The following AFG2A variants were observed in gnomAD, a reference collection of about 807,000 sequenced individuals.
AFG2A encodes the protein AAA ATPase AFG2A, also known as ATPase family gene 2 protein homolog A.
the AFG2A span, among the ~76,000 whole-genome samples, chr4:123,257,489 G>A: frequency 2.7e-3 from 407 of 152,288 alleles, 2 homozygotes; most frequent in African/African-American, 9.1e-3. Context: ...AAGTTGAGGA[G>A]TATTTGTATT....
the AFG2A span, among the ~76,000 whole-genome samples, chr4:122,927,047 C>G: frequency 3.9e-5 from 6 of 152,126 alleles, no homozygotes; most frequent in Non-Finnish European, 5.9e-5. Flanking sequence ...GTGGAGATGA[C>G]AGCACATCAT....
chr4:122,982,880 T>TC, the AFG2A span, among the ~76,000 whole-genome samples: 2 of 143,890 alleles, frequency 1.4e-5, no homozygotes, highest in African/African-American at 5.1e-5. Flanking sequence ...TTTTTTTTTT[T>TC]TTTTTGAGAC....
the AFG2A span, among the ~76,000 whole-genome samples, chr4:123,021,353 G>C: frequency 2.9e-3 from 429 of 150,398 alleles, 7 homozygotes; most frequent in African/African-American, 0.01. Context: ...ATGACAAACA[G>C]TCTTCACCAA....
the AFG2A span, among the ~76,000 whole-genome samples, chr4:123,064,382 C>A: frequency 6.6e-6 from 1 of 152,146 alleles, no homozygotes; most frequent in Non-Finnish European, 1.5e-5. Context: ...GTGCTTATTA[C>A]ATACTAGAAA....
the AFG2A span, among the ~76,000 whole-genome samples, chr4:123,150,517 C>T: frequency 4.6e-5 from 7 of 151,940 alleles, no homozygotes; most frequent in Non-Finnish European, 8.8e-5. Context: ...AACTCCCATT[C>T]ACAATTGCTA....
chr4:123,017,133 C>T, the AFG2A span, among the ~76,000 whole-genome samples: 5 of 104,458 alleles, frequency 4.8e-5, no homozygotes, highest in South Asian at 3.3e-4. Context: ...AGAGGGAGAC[C>T]GTGGGGAGAG....
the AFG2A span, among the ~76,000 whole-genome samples, chr4:123,258,269 C>T: frequency 6.6e-6 from 1 of 152,200 alleles, no homozygotes; most frequent in East Asian, 1.9e-4. Flanking sequence ...TTGTTTTGGT[C>T]TGAATAGGTA....
At chr4:123,138,471 A>G in the AFG2A span, among the ~76,000 whole-genome samples, 1 of 152,194 alleles carries the variant, frequency 6.6e-6, no homozygotes, top group Admixed American at 6.5e-5. Flanking sequence ...CATATTTCAT[A>G]CTTCTTAAGA....
the AFG2A span, among the ~76,000 whole-genome samples, chr4:123,215,159 C>G: frequency 6.6e-6 from 1 of 151,986 alleles, no homozygotes; most frequent in Admixed American, 6.6e-5. Context: ...TTTAATTCTT[C>G]CATTTACCTT....
chr4:123,079,383 A>G, the AFG2A span, among the ~76,000 whole-genome samples: 1,399 of 152,288 alleles, frequency 9.2e-3, 9 homozygotes, highest in Non-Finnish European at 0.015. Flanking sequence ...GAGCATATAT[A>G]TAACTAAGGA....
chr4:122,989,281 A>C, the AFG2A span, among the ~76,000 whole-genome samples: 5,095 of 151,016 alleles, frequency 0.034, 278 homozygotes, highest in African/African-American at 0.12. Flanking sequence ...CAGCTTGTCT[A>C]GTAGTTCTTG....
the AFG2A span, among the ~76,000 whole-genome samples, chr4:123,215,155 T>C: frequency 6.6e-6 from 1 of 152,120 alleles, no homozygotes; most frequent in Non-Finnish European, 1.5e-5. Context: ...AAATTTTAAT[T>C]CTTCCATTTA....
chr4:123,089,876 C>T, the AFG2A span, among the ~76,000 whole-genome samples: 1 of 152,112 alleles, frequency 6.6e-6, no homozygotes, highest in Admixed American at 6.5e-5. Flanking sequence ...AGCCACTGCG[C>T]CTGGCCCGAG....
the AFG2A span, among the ~76,000 whole-genome samples, chr4:122,978,017 G>A: frequency 6.6e-6 from 1 of 152,162 alleles, no homozygotes; most frequent in East Asian, 1.9e-4. Flanking sequence ...GAGACCCAGA[G>A]TGGGTAGCTT....
the AFG2A span, among the ~76,000 whole-genome samples, chr4:123,198,514 C>T: frequency 1.2e-3 from 186 of 152,284 alleles, no homozygotes; most frequent in Non-Finnish European, 2.2e-3. Flanking sequence ...TCTTGCCAGC[C>T]TCTCCCTAGA....
chr4:122,969,282 A>G, the AFG2A span, among the ~76,000 whole-genome samples: 1 of 151,680 alleles, frequency 6.6e-6, no homozygotes, highest in African/African-American at 2.4e-5. Context: ...TCATGTTGCT[A>G]TCTTTAATTG....
the AFG2A span, among the ~76,000 whole-genome samples, chr4:123,194,649 C>T: frequency 6.6e-6 from 1 of 152,114 alleles, no homozygotes; most frequent in Non-Finnish European, 1.5e-5. Flanking sequence ...AAAGGAAATA[C>T]ATCAGAATTT....
chr4:123,230,094 G>T, the AFG2A span, among the ~76,000 whole-genome samples: 1 of 151,924 alleles, frequency 6.6e-6, no homozygotes, highest in African/African-American at 2.4e-5. Flanking sequence ...CAGGGTGGTG[G>T]TTGCTGAAGG....
the AFG2A span, among the ~76,000 whole-genome samples, chr4:123,182,381 A>C: frequency 1.3e-5 from 2 of 152,178 alleles, no homozygotes; most frequent in African/African-American, 4.8e-5. Flanking sequence ...TAGAACTTAT[A>C]CCTAGGTTTT....
Sources: allele counts gnomAD v4.1 joint callset (sites outside exome capture counted in the v4.1 genomes callset), GRCh38; gene constraint gnomAD v4.1.1; transcripts MANE v1.5; gene names NCBI Gene and HGNC (gene_info 2026-07-23, HGNC 2026-07-21).